Variants in NOX4 observed in about 807,000 individuals in gnomAD.
NOX4 encodes the protein kidney oxidase-1.
In NOX4, 69 loss-of-function variants were observed where a neutral mutation model predicts 87.6. The observed-to-expected ratio is 0.79, with a 90% CI of 0.65 to 0.96. The LOEUF (loss-of-function observed/expected upper bound fraction) is 0.96, where lower values mean the gene tolerates loss of function less well. Among genes scored for constraint, NOX4 ranks in the 40% least tolerant of loss-of-function variants. NOX4 has a pLI of 0.00. For synonymous variants in NOX4, 275 were observed against 238.2 expected (o/e 1.15, Z -1.42); for missense variants, 680 against 681.5 (o/e 1.00, Z 0.02).
chr11:89,406,162 A>T (rs1252443907), intron 8 of NOX4, among the ~76,000 whole-genome samples: 2 of 152,078 alleles, frequency 1.3e-5, no homozygotes, highest in Non-Finnish European at 2.9e-5. Flanking sequence ...TAGAATTCTT[A>T]TATTTGAAGG....
Position 89,444,248 on chromosome 11 carries a change from A to T in NOX4, c.350-16T>A, listed in dbSNP as rs1242363654. On this transcript the variant is annotated splice_polypyrimidine_tract_variant and intron_variant, in intron 4 of 17. Coordinates refer to ENST00000263317, the MANE Select transcript of NOX4 (RefSeq NM_016931.5). ...ACATGCACGCCTACAGAATTACACCAGGGGTAAGTTAGTGGGATTTGCATA... is the reference window on the plus strand; with the variant it reads ...ACATGCACGCCTACAGAATTACACCTGGGGTAAGTTAGTGGGATTTGCATA... 1.2e-6 allele frequency: 2 copies of T among 1,607,280 alleles called. No homozygotes were observed. The highest frequency in any genetic ancestry group is 1.7e-6 in the Non-Finnish European group (2 of 1,174,126).
the NOX4 span, among the ~76,000 whole-genome samples, chr11:89,546,308 G>C: frequency 6.6e-6 from 1 of 152,098 alleles, no homozygotes; most frequent in Non-Finnish European, 1.5e-5. Context: ...ATATTGATAA[G>C]CTTATGAAAT....
exon 1 of NOX4, chr11:89,498,071 A>G (rs1012122387): frequency 4.6e-5 from 7 of 152,148 alleles, no homozygotes; most frequent in Admixed American, 6.6e-5. Context: ...GACTCTTCCC[A>G]GCTGCATCAG....
the NOX4 span, among the ~76,000 whole-genome samples, chr11:89,559,648 G>T: frequency 2.0e-5 from 3 of 152,064 alleles, no homozygotes; most frequent in African/African-American, 7.2e-5. Flanking sequence ...AGCTAGAAAT[G>T]GATGAGTTTT....
At chr11:89,579,309 G>T in the NOX4 span, among the ~76,000 whole-genome samples, 1 of 152,038 alleles carries the variant, frequency 6.6e-6, no homozygotes, top group Non-Finnish European at 1.5e-5. Flanking sequence ...ATGGGCTTTG[G>T]GTGATAATGG....
the NOX4 span, among the ~76,000 whole-genome samples, chr11:89,503,269 A>T: frequency 3.3e-5 from 5 of 152,092 alleles, no homozygotes; most frequent in Admixed American, 2.0e-4. Context: ...ATAAGTCCTC[A>T]ACTAGACTCT....
At chr11:89,553,293 C>G in the NOX4 span, among the ~76,000 whole-genome samples, 3 of 152,084 alleles carry the variant, frequency 2.0e-5, no homozygotes, top group Non-Finnish European at 4.4e-5. Flanking sequence ...CCATGCCATT[C>G]TCATGATGGT....
At chr11:89,453,003 C>T (rs2135392533) in intron 2 of NOX4, among the ~76,000 whole-genome samples, 1 of 151,934 alleles carries the variant, frequency 6.6e-6, no homozygotes, top group African/African-American at 2.4e-5. Flanking sequence ...ATGTTCATGC[C>T]ACTGGAGTAC....
intron 2 of NOX4, among the ~76,000 whole-genome samples, chr11:89,462,036 G>T (rs1448671788): frequency 6.6e-6 from 1 of 151,914 alleles, no homozygotes; most frequent in Non-Finnish European, 1.5e-5. Context: ...GCAAGGGAGG[G>T]TAAGAAGCAT....
At chr11:89,445,138 A>G in intron 4 of NOX4, among the ~76,000 whole-genome samples, 1 of 152,140 alleles carries the variant, frequency 6.6e-6, no homozygotes, top group East Asian at 1.9e-4. Context: ...AGGGGCCTTA[A>G]TTTACTTCTC....
chr11:89,456,170 T>C (rs1280449643), intron 2 of NOX4, among the ~76,000 whole-genome samples: 3 of 152,160 alleles, frequency 2.0e-5, no homozygotes, highest in African/African-American at 4.8e-5. Context: ...CAAAATATCA[T>C]GTGTATTTTA....
chr11:89,469,930 G>C (rs1480099941), intron 2 of NOX4, among the ~76,000 whole-genome samples: 1 of 151,844 alleles, frequency 6.6e-6, no homozygotes, highest in Non-Finnish European at 1.5e-5. Context: ...GTCTCGGGTG[G>C]AGTTCTGAGC....
At chr11:89,352,762 G>T (rs1375626308) in intron 13 of NOX4, among the ~76,000 whole-genome samples, 1 of 152,122 alleles carries the variant, frequency 6.6e-6, no homozygotes, top group Non-Finnish European at 1.5e-5. Flanking sequence ...ATGAAAAGTT[G>T]CTTACTATGG....
the NOX4 span, among the ~76,000 whole-genome samples, chr11:89,567,218 G>A: frequency 6.6e-6 from 1 of 152,170 alleles, no homozygotes; most frequent in Admixed American, 6.5e-5. Context: ...ATCCCCAACA[G>A]AGGCATTTTG....
intron 12 of NOX4, among the ~76,000 whole-genome samples, chr11:89,360,996 T>G (rs1938481644): frequency 1.3e-5 from 2 of 152,224 alleles, no homozygotes; most frequent in Admixed American, 1.3e-4. Flanking sequence ...TTTACACTGC[T>G]GATGGGAATG....
intron 7 of NOX4, among the ~76,000 whole-genome samples, chr11:89,426,678 G>T (rs189176088): frequency 5.8e-4 from 88 of 152,214 alleles, no homozygotes; most frequent in African/African-American, 2.0e-3. Flanking sequence ...CTTGGGGAGG[G>T]GCGCCCACCA....
At chr11:89,400,422 T>G in intron 9 of NOX4, 43 bp from the exon 10 acceptor site, 2 of 1,473,140 alleles carry the variant, frequency 1.4e-6, no homozygotes. Context: ...AATACTCATA[T>G]TGTAGAAATC....
chr11:89,367,607 C>G (rs539963626), intron 12 of NOX4, among the ~76,000 whole-genome samples: 19 of 152,132 alleles, frequency 1.2e-4, no homozygotes, highest in Middle Eastern at 3.4e-3. Flanking sequence ...ATAAAGTCTT[C>G]CATTTGCTTG....
chr11:89,461,921 A>T (rs1945487003), intron 2 of NOX4, among the ~76,000 whole-genome samples: 1 of 152,050 alleles, frequency 6.6e-6, no homozygotes, highest in Non-Finnish European at 1.5e-5. Flanking sequence ...TACTTGTAAC[A>T]GGACTCTAAA....
Sources: gnomAD v4.1 joint callset for allele counts (sites outside exome capture counted in the v4.1 genomes callset) on GRCh38, gnomAD v4.1.1 for gene constraint, MANE v1.5 for transcripts, NCBI Gene and HGNC (gene_info 2026-07-23, HGNC 2026-07-21) for gene names.